The following MIA2 variants were observed in gnomAD, a reference collection of about 807,000 sequenced individuals.
MIA2 encodes melanoma inhibitory activity protein 2.
In MIA2, 127 loss-of-function variants were observed where a neutral mutation model predicts 167.8. That is an observed-to-expected ratio of 0.76 (90% CI 0.66 to 0.88). The LOEUF is 0.88. MIA2 is among the 40% of genes least tolerant of loss of function. MIA2 has a pLI of 0.00. For missense variants in MIA2, 1,690 were observed against 1,624.7 expected (o/e 1.04, Z -0.69); for synonymous variants, 552 against 541.9 (o/e 1.02, Z -0.26).
chr14:39,267,947 A>AG (rs1362597718), intron 6 of MIA2, among the ~76,000 whole-genome samples: 1 of 149,330 alleles, frequency 6.7e-6, no homozygotes, highest in Non-Finnish European at 1.5e-5. Context: ...AGAACACCTG[A>AG]GGTTGGGCGG....
At chr14:39,352,392 T>C (rs2074411918), downstream of MIA2, among the ~76,000 whole-genome samples, 1 of 152,124 alleles carries the variant, frequency 6.6e-6, no homozygotes, top group Admixed American at 6.5e-5. Context: ...TTTGGTTTTG[T>C]TGGAGTTCAC....
chr14:39,281,498 G>A (rs1350655057), intron 9 of MIA2, among the ~76,000 whole-genome samples: 1 of 151,626 alleles, frequency 6.6e-6, no homozygotes, highest in Non-Finnish European at 1.5e-5. Context: ...TTCATCTCTT[G>A]CCTTTTTCAG....
chr14:39,290,332 T>A (rs925552018), intron 9 of MIA2, among the ~76,000 whole-genome samples: 18 of 152,056 alleles, frequency 1.2e-4, no homozygotes, highest in African/African-American at 4.4e-4. Context: ...ATATATATTT[T>A]TTTTTTTGGT....
At chr14:39,250,138 G>T (rs561981864) in intron 4 of MIA2, among the ~76,000 whole-genome samples, 1 of 152,166 alleles carries the variant, frequency 6.6e-6, no homozygotes, top group East Asian at 1.9e-4. Context: ...GTAATTAGAA[G>T]GAAGACAGAC....
At chr14:39,262,210 G>A (rs1202822512) in intron 6 of MIA2, among the ~76,000 whole-genome samples, 3 of 152,128 alleles carry the variant, frequency 2.0e-5, no homozygotes, top group East Asian at 1.9e-4. Context: ...TCTACATATG[G>A]CTAGCCAGTT....
At chr14:39,314,673 G>A (rs1450337850) in intron 19 of MIA2, 66 bp from the exon 20 acceptor site, 1 of 653,384 alleles carries the variant, frequency 1.5e-6, no homozygotes, top group Non-Finnish European at 2.2e-6. Context: ...TATTTTTTTA[G>A]TAGAGAGTAT....
intron 17 of MIA2, among the ~76,000 whole-genome samples, chr14:39,307,485 T>TCTG (rs1274617613): frequency 6.9e-6 from 1 of 144,386 alleles, no homozygotes; most frequent in African/African-American, 2.6e-5. Context: ...CACTGCACGC[T>TCTG]CTGCCTCCTA....
At chr14:39,275,139 T>TGTGTGTGTGTG (rs371189920) in intron 6 of MIA2, among the ~76,000 whole-genome samples, 3 of 126,634 alleles carry the variant, frequency 2.4e-5, no homozygotes, top group Non-Finnish European at 4.9e-5. Flanking sequence ...CCTTAATCCT[T>TGTGTGTGTGTG]TGTGTGTGTG....
chr14:39,317,817 A>AT, intron 21 of MIA2, 127 bp from the exon 22 acceptor site: 1 of 548,442 alleles, frequency 1.8e-6, no homozygotes, highest in African/African-American at 2.0e-5. Context: ...AGTGATTATG[A>AT]TTTGTATACC....
intron 1 of MIA2, among the ~76,000 whole-genome samples, chr14:39,235,138 C>T (rs979857676): frequency 6.6e-6 from 1 of 151,696 alleles, no homozygotes; most frequent in African/African-American, 2.4e-5. Context: ...CAGGTTCAAG[C>T]GATTCTCCTG....
At chr14:39,359,134 T>G (rs2139269909) in intron 23 of MIA2, among the ~76,000 whole-genome samples, 1 of 152,330 alleles carries the variant, frequency 6.6e-6, no homozygotes, top group Non-Finnish European at 1.5e-5. Flanking sequence ...TGTTTGGCTG[T>G]GCCCTGCCCC....
intron 23 of MIA2, among the ~76,000 whole-genome samples, chr14:39,320,580 A>G (rs992960922): frequency 6.6e-6 from 1 of 152,166 alleles, no homozygotes; most frequent in African/African-American, 2.4e-5. Flanking sequence ...GCATACTGCC[A>G]GTAAAAACAA....
chr14:39,351,250 A>T (rs570808447), downstream of MIA2: 45 of 152,188 alleles, frequency 3.0e-4, no homozygotes, highest in African/African-American at 9.4e-4. Flanking sequence ...AAAAGATAGA[A>T]GATTAAATAT....
intron 24 of MIA2, among the ~76,000 whole-genome samples, chr14:39,326,236 T>C (rs1241761691): frequency 6.6e-6 from 1 of 152,244 alleles, no homozygotes; most frequent in African/African-American, 2.4e-5. Flanking sequence ...GAATTTGATA[T>C]TTAGAAATCA....
At chr14:39,296,024 T>A (rs2061374677) in intron 13 of MIA2, among the ~76,000 whole-genome samples, 1 of 152,196 alleles carries the variant, frequency 6.6e-6, no homozygotes, top group Non-Finnish European at 1.5e-5. Context: ...ATTGCATTTT[T>A]TTTTTCTTGA....
chr14:39,386,569 TATC>T (rs2139383991), intron 23 of MIA2: 2 of 1,146,944 alleles, frequency 1.7e-6, no homozygotes, highest in East Asian at 2.4e-5. Flanking sequence ...GTCTCTTTGT[TATC>T]ATCACCTGCT....
chr14:39,277,168 TAC>T, intron 7 of MIA2, 103 bp downstream of exon 7: 2 of 1,402,558 alleles, frequency 1.4e-6, no homozygotes, highest in Non-Finnish European at 1.9e-6. Flanking sequence ...AGTTAGAAAC[TAC>T]ATAGGGATTC....
rs565052015 is a variant in MIA2, at chr14:39,314,810, ATGTGTGTGTG to A, written c.3180+29_3180+38del. 1.9e-6 allele frequency: 2 copies of A among 1,066,026 alleles called. No homozygotes were observed. Among genetic ancestry groups the A allele is most frequent in the Non-Finnish European group, 2.7e-6 (2 of 744,078 alleles). 66.0% of individuals were successfully genotyped at this position (1,066,026 alleles called of 1,614,324 possible). A position where few individuals can be genotyped will look rare whatever the true frequency, so the allele number is the denominator to read the frequency against. Reference sequence around the variant, plus strand: ...TCTTATCAAGGGCAGGTATATATATATGTGTGTGTGTGTGTGTGTGTGTGTGTATATATAT... The same window carrying A: ...TCTTATCAAGGGCAGGTATATATATATGTGTGTGTGTGTGTGTATATATAT... On this transcript the variant is annotated intron_variant, in intron 20 of 28. Transcript: ENST00000640607.
intron 10 of MIA2, among the ~76,000 whole-genome samples, chr14:39,291,513 ATTT>A (rs1335576427): frequency 6.6e-6 from 1 of 152,212 alleles, no homozygotes; most frequent in Non-Finnish European, 1.5e-5. Flanking sequence ...TATTTGCTTT[ATTT>A]TCATCCTGAG....
Sources: gnomAD v4.1 joint callset for allele counts (sites outside exome capture counted in the v4.1 genomes callset) on GRCh38, gnomAD v4.1.1 for gene constraint, MANE v1.5 for transcripts, NCBI Gene and HGNC (gene_info 2026-07-23, HGNC 2026-07-21) for gene names.